The following SIMC1 variants were observed in gnomAD, a reference collection of about 807,000 sequenced individuals.
SIMC1 encodes the protein SUMO-interacting motif-containing protein 1.
A neutral mutation model predicts 82.3 loss-of-function variants in SIMC1; 55 were observed. That is an observed-to-expected ratio of 0.67 (90% CI 0.54 to 0.84). SIMC1 has a LOEUF of 0.84. Among genes scored for constraint, SIMC1 ranks in the 40% least tolerant of loss-of-function variants. The pLI is 0.00. For synonymous variants in SIMC1, 353 were observed against 426.3 expected (o/e 0.83, Z 2.12); for missense variants, 915 against 1,107.2 (o/e 0.83, Z 2.46).
chr5:176,321,975 C>T (rs999299039), intron 5 of SIMC1, among the ~76,000 whole-genome samples: 2 of 149,768 alleles, frequency 1.3e-5, no homozygotes, highest in Non-Finnish European at 3.0e-5. Flanking sequence ...ATCCTCCCAC[C>T]TCAGCCTCCC....
At position 176,304,920 on chromosome 5, in the gene SIMC1, G is replaced by A. The variant is rs1222639356; in HGVS notation, c.1734+8600G>A. Among the ~76,000 whole-genome samples, 40 of 128,954 alleles carry A rather than the reference G, an allele frequency of 3.1e-4. 1 individual carries two copies. In the East Asian group the frequency reaches 6.6e-3, roughly 21 times the overall value. 84.6% of individuals were successfully genotyped at this position (128,954 alleles called of 152,430 possible). ...ACGAGCGTCTCTGCCCGGCCGCCCCGTCTGAGAAGTGAGGAGACCCTCTGC... is the reference window on the plus strand; with the variant it reads ...ACGAGCGTCTCTGCCCGGCCGCCCCATCTGAGAAGTGAGGAGACCCTCTGC... On this transcript the variant is annotated intron_variant, in intron 4 of 9. Transcript: ENST00000429602.
chr5:176,242,941 C>T (rs909492905), intron 1 of SIMC1, among the ~76,000 whole-genome samples: 1 of 151,928 alleles, frequency 6.6e-6, no homozygotes, highest in Non-Finnish European at 1.5e-5. Context: ...GGAAAAAATA[C>T]GGTATTTTTG....
In SIMC1 at chr5:176,326,606, C is replaced by A. The variant is rs1480991516; in HGVS notation, c.2171+1849C>A. Among the ~76,000 whole-genome samples, 3 of 151,956 alleles carry A rather than the reference C, an allele frequency of 2.0e-5. No individual in the cohort carries two copies. In the East Asian group the frequency reaches 5.8e-4, roughly 29 times the overall value. Reference sequence around the variant, plus strand: ...TTGAGGCAGAGTCTCACTCTGTCACCCAGGCTGGAGTACAGTGGTGGGATC... The same window carrying A: ...TTGAGGCAGAGTCTCACTCTGTCACACAGGCTGGAGTACAGTGGTGGGATC... On this transcript the variant is annotated intron_variant, in intron 7 of 9. Coordinates refer to ENST00000429602, the MANE Select transcript of SIMC1 (RefSeq NM_001308195.2).
At chr5:176,322,766 T>G in intron 6 of SIMC1, 1 of 194,244 alleles carries the variant, frequency 5.1e-6, no homozygotes, top group East Asian at 1.2e-4. Context: ...TCTGTTGCCA[T>G]AGAGAAGGAG....
chr5:176,343,030 T>C (rs1766220506), intron 9 of SIMC1, among the ~76,000 whole-genome samples: 1 of 152,210 alleles, frequency 6.6e-6, no homozygotes, highest in Admixed American at 6.5e-5. Context: ...GGCAGCTTTG[T>C]TTCCTGTGTT....
chr5:176,327,057 C>T (rs1032655375), intron 7 of SIMC1, among the ~76,000 whole-genome samples: 2 of 152,198 alleles, frequency 1.3e-5, no homozygotes, highest in African/African-American at 4.8e-5. Context: ...CATGCTTGCT[C>T]TAACACTTTG....
At chr5:176,242,639 T>G (rs142340536) in intron 1 of SIMC1, among the ~76,000 whole-genome samples, 1 of 152,134 alleles carries the variant, frequency 6.6e-6, no homozygotes, top group Non-Finnish European at 1.5e-5. Context: ...GTGTTGTTCA[T>G]GAATCAACTG....
chr5:176,297,113 A>T (rs1763848086), intron 4 of SIMC1, among the ~76,000 whole-genome samples: 1 of 152,226 alleles, frequency 6.6e-6, no homozygotes, highest in Admixed American at 6.5e-5. Context: ...AAGTTTGTGG[A>T]TGGAACAGCC....
In SIMC1 at chr5:176,322,338, A is replaced by G. The variant is rs1201817790; in HGVS notation, c.1955A>G (p.Asn652Ser). 6.3e-7 allele frequency: 1 copy of G among 1,594,910 alleles called. No individual in the cohort carries two copies. The highest frequency in any genetic ancestry group is 8.5e-7 in the Non-Finnish European group (1 of 1,170,440). The change falls in exon 6 of 10, where the codon AAT becomes AGT. Residue 652 changes from asparagine to serine, a missense_variant. By Grantham distance (46) the Asn-to-Ser change is conservative (BLOSUM62 1). Coordinates refer to ENST00000429602, the MANE Select transcript of SIMC1 (RefSeq NM_001308195.2). Reference protein sequence around the residue: ...EDGLTQPPNGNQTSSGTGILK... With the variant: ...EDGLTQPPNGSQTSSGTGILK... ...GGATTGACTCAGCCCCCAAATGGAAATCAAACGTCTTCAGGAACAGGAATC... is the reference window on the plus strand; with the variant it reads ...GGATTGACTCAGCCCCCAAATGGAAGTCAAACGTCTTCAGGAACAGGAATC...
chr5:176,295,081 A>C lies in SIMC1; in HGVS notation c.1483A>C (p.Thr495Pro), dbSNP rs752708366. 1 of 1,613,724 alleles carries C rather than the reference A, an allele frequency of 6.2e-7. No individual in the cohort carries two copies. The highest frequency in any genetic ancestry group is 2.2e-5 in the East Asian group (1 of 44,878). ...PIPHRRLRMV[T>P]NTIEENFPLG... Reference sequence around the variant, plus strand: ...CCCTCATCGAAGACTAAGAATGGTAACAAATACCATTGAAGAGAATTTTCC... The same window carrying C: ...CCCTCATCGAAGACTAAGAATGGTACCAAATACCATTGAAGAGAATTTTCC... Residue 495 changes from threonine to proline, a missense_variant, in exon 3 of 10, where the codon ACA becomes CCA. By Grantham distance (38) the Thr-to-Pro change is conservative. Around this residue, in one of 2 missense-constraint regions of SIMC1, gnomAD observed 902 missense variants for 1,040.3 expected, o/e 0.87. Coordinates refer to ENST00000429602, the MANE Select transcript of SIMC1 (RefSeq NM_001308195.2).
intron 1 of SIMC1, among the ~76,000 whole-genome samples, chr5:176,260,782 C>T (rs578194961): frequency 6.6e-6 from 1 of 152,246 alleles, no homozygotes; most frequent in Non-Finnish European, 1.5e-5. Context: ...CTCCCACCTT[C>T]AGAGATACAA....
chr5:176,331,263 G>A (rs886731882), intron 7 of SIMC1, among the ~76,000 whole-genome samples: 4 of 151,784 alleles, frequency 2.6e-5, no homozygotes, highest in East Asian at 2.0e-4. Context: ...CCAGCTACTC[G>A]GGAGGCTGAG....
At chr5:176,332,806 A>G (rs996459206) in intron 7 of SIMC1, among the ~76,000 whole-genome samples, 1 of 152,188 alleles carries the variant, frequency 6.6e-6, no homozygotes, top group Non-Finnish European at 1.5e-5. Flanking sequence ...CAATGGTAAT[A>G]TATTACAAAA....
intron 1 of SIMC1, among the ~76,000 whole-genome samples, chr5:176,280,712 T>A (rs1322385902): frequency 2.0e-5 from 3 of 152,202 alleles, no homozygotes; most frequent in East Asian, 1.9e-4. Flanking sequence ...TTTGGCTGGA[T>A]ATGAAATTCT....
At chr5:176,326,675 C>T (rs1273499548) in intron 7 of SIMC1, among the ~76,000 whole-genome samples, 1 of 152,086 alleles carries the variant, frequency 6.6e-6, no homozygotes, top group Non-Finnish European at 1.5e-5. Flanking sequence ...AGTGATTCTC[C>T]TGCCTTAGCC....
intron 5 of SIMC1, among the ~76,000 whole-genome samples, chr5:176,316,530 A>C (rs1403884156): frequency 2.9e-5 from 4 of 137,364 alleles, no homozygotes; most frequent in African/African-American, 1.1e-4. Context: ...AAAAAAAAAA[A>C]CCCAAAAAAT....
intron 7 of SIMC1, among the ~76,000 whole-genome samples, chr5:176,333,239 G>A (rs1765742358): frequency 6.6e-6 from 1 of 151,986 alleles, no homozygotes; most frequent in Non-Finnish European, 1.5e-5. Flanking sequence ...AGGAGGCAGA[G>A]GTTGCAGTGA....
intron 4 of SIMC1, among the ~76,000 whole-genome samples, chr5:176,299,842 C>T (rs545076605): frequency 2.0e-5 from 3 of 152,280 alleles, no homozygotes; most frequent in South Asian, 4.2e-4. Flanking sequence ...CTCAAGTGTA[C>T]GTGGAATTTT....
chr5:176,303,822 C>CA (rs1237866484), intron 4 of SIMC1, among the ~76,000 whole-genome samples: 1 of 152,172 alleles, frequency 6.6e-6, no homozygotes, highest in Non-Finnish European at 1.5e-5. Flanking sequence ...GGTGAAAAGA[C>CA]AGTCTCTGAA....
Sources: gnomAD v4.1 joint callset for allele counts (sites outside exome capture counted in the v4.1 genomes callset) on GRCh38, gnomAD v4.1.1 for gene constraint, gnomAD v4.1.1 regional missense constraint, MANE v1.5 for transcripts, NCBI Gene and HGNC (gene_info 2026-07-23, HGNC 2026-07-21) for gene names.